Variants in SH3KBP1 observed in about 807,000 individuals in gnomAD.
SH3KBP1 encodes the protein SH3 domain-containing kinase-binding protein 1.
In SH3KBP1, 8 loss-of-function variants were observed where a neutral mutation model predicts 50.1. The ratio of observed to expected loss-of-function variants is 0.16; its 90% CI spans 0.09 to 0.29. The LOEUF (loss-of-function observed/expected upper bound fraction) is 0.29, where lower values mean the gene tolerates loss of function less well. SH3KBP1 is among the 10% of genes least tolerant of loss of function. The probability of loss-of-function intolerance (pLI) is 1.00; values close to 1 mark genes in which losing one functional copy is unlikely to be tolerated. For missense variants in SH3KBP1, 377 were observed against 535.2 expected (o/e 0.70, Z 2.92); for synonymous variants, 227 against 218.6 (o/e 1.04, Z -0.34).
At chrX:19,751,593 C>T (rs2065067378) in intron 2 of SH3KBP1, among the ~76,000 whole-genome samples, 1 of 111,840 alleles carries the variant, frequency 8.9e-6, no homozygotes. Context: ...TATCTCAGAT[C>T]TGATCTCTTT....
At chrX:19,869,191 G>A (rs867962878) in intron 1 of SH3KBP1, among the ~76,000 whole-genome samples, 5 of 111,992 alleles carry the variant, frequency 4.5e-5, no homozygotes, top group African/African-American at 1.6e-4. Flanking sequence ...CTGGACTTCT[G>A]ATTTCACAAA....
chrX:19,613,394 G>A (rs1056706660), intron 8 of SH3KBP1, among the ~76,000 whole-genome samples: 3 of 112,133 alleles, frequency 2.7e-5, no homozygotes, highest in African/African-American at 9.7e-5. Context: ...ATGAGAAAAG[G>A]AGCAGCATGT....
At chrX:19,699,022 T>G (rs1420259613) in intron 4 of SH3KBP1, among the ~76,000 whole-genome samples, 1 of 111,837 alleles carries the variant, frequency 8.9e-6, no homozygotes, top group African/African-American at 3.3e-5. Context: ...AACTGAGAGA[T>G]CCTAACTATA....
At chrX:19,572,719 C>A (rs1257872179) in intron 12 of SH3KBP1, among the ~76,000 whole-genome samples, 1 of 111,019 alleles carries the variant, frequency 9.0e-6, no homozygotes, top group Non-Finnish European at 1.9e-5. Context: ...CTGAAAAGAA[C>A]TAGAATCTTT....
chrX:19,565,051 A>ATTTTC (rs2065797492), intron 13 of SH3KBP1, among the ~76,000 whole-genome samples: 4 of 66,530 alleles, frequency 6.0e-5, no homozygotes, highest in African/African-American at 1.5e-4. Flanking sequence ...TTCAACTCCA[A>ATTTTC]TTTTTTTTTT....
At chrX:19,651,785 G>C (rs1465273915) in intron 6 of SH3KBP1, among the ~76,000 whole-genome samples, 1 of 111,737 alleles carries the variant, frequency 8.9e-6, no homozygotes, top group African/African-American at 3.3e-5. Flanking sequence ...ACTTGAGCCA[G>C]GAAGTTCAAG....
At position 19,605,402 on chromosome X, in the gene SH3KBP1, T is replaced by C. The variant is rs1265254168; in HGVS notation, c.1005+2536A>G. Among the ~76,000 whole-genome samples the C allele has an allele frequency of 4.5e-5, 5 of 111,744 alleles. No homozygotes were observed. The East Asian group carries it at 1.4e-3, about 31-fold the overall frequency. On this transcript the variant is annotated intron_variant, in intron 9 of 17. Coordinates refer to ENST00000397821, the MANE Select transcript of SH3KBP1 (RefSeq NM_031892.3). ...TTATCTGTCAATTAAAAAAACATAC[T>C]GCCTCAATCAGAACCAATAAGGTGG... is the stretch of plus-strand genomic sequence containing the variant.
At chrX:19,670,327 C>G in intron 6 of SH3KBP1, 2 of 753,321 alleles carry the variant, frequency 2.7e-6, no homozygotes, top group Non-Finnish European at 3.1e-6. Flanking sequence ...GCTCCACTCA[C>G]AAAGAAAACT....
chrX:19,607,480 C>G (rs538295958), intron 9 of SH3KBP1, among the ~76,000 whole-genome samples: 27 of 112,012 alleles, frequency 2.4e-4, no homozygotes, highest in African/African-American at 8.4e-4. Flanking sequence ...TGCGGGTGTA[C>G]TCACACATGT....
intron 16 of SH3KBP1, among the ~76,000 whole-genome samples, chrX:19,539,964 G>A (rs1005734281): frequency 3.6e-5 from 4 of 111,291 alleles, no homozygotes; most frequent in African/African-American, 9.8e-5. Context: ...GGAAGCACAG[G>A]GCATTTCAGA....
intron 5 of SH3KBP1, among the ~76,000 whole-genome samples, chrX:19,693,050 T>A (rs770853404): frequency 2.7e-5 from 3 of 111,421 alleles, no homozygotes; most frequent in Non-Finnish European, 5.6e-5. Flanking sequence ...GGGAATTACT[T>A]CAATTTAGCA....
At chrX:19,540,929 T>C (rs759895606) in intron 16 of SH3KBP1, among the ~76,000 whole-genome samples, 1 of 111,057 alleles carries the variant, frequency 9.0e-6, no homozygotes, top group Non-Finnish European at 1.9e-5. Flanking sequence ...ACTTTTTTTT[T>C]TTTTAGACGG....
chrX:19,882,499 G>C (rs1284341521), intron 1 of SH3KBP1, among the ~76,000 whole-genome samples: 2 of 111,215 alleles, frequency 1.8e-5, no homozygotes, highest in Non-Finnish European at 3.8e-5. Context: ...GAGAGGAAGA[G>C]GCCACAAGCA....
chrX:19,821,173 C>T (rs2067513283), intron 2 of SH3KBP1, among the ~76,000 whole-genome samples: 1 of 111,967 alleles, frequency 8.9e-6, no homozygotes, highest in African/African-American at 3.2e-5. Context: ...GGTGGATTAC[C>T]TGATGCCAGG....
At chrX:19,715,292 G>A (rs1456448666) in intron 3 of SH3KBP1, among the ~76,000 whole-genome samples, 4 of 101,955 alleles carry the variant, frequency 3.9e-5, no homozygotes, top group Admixed American at 1.1e-4. Flanking sequence ...AAAAAAAAAC[G>A]CCAAAAATCC....
chrX:19,728,541 T>C (rs2064287662), intron 3 of SH3KBP1, among the ~76,000 whole-genome samples: 1 of 112,189 alleles, frequency 8.9e-6, no homozygotes, highest in Non-Finnish European at 1.9e-5. Flanking sequence ...CCATGGGGCA[T>C]TCTCAGCAAA....
chrX:19,544,689 C>T (rs2065037236), intron 15 of SH3KBP1, among the ~76,000 whole-genome samples: 1 of 111,982 alleles, frequency 8.9e-6, no homozygotes, highest in Admixed American at 9.5e-5. Flanking sequence ...TCCTATATGA[C>T]ACGCTCTCCC....
At chrX:19,544,884 C>T (rs1391871033) in intron 15 of SH3KBP1, among the ~76,000 whole-genome samples, 1 of 111,577 alleles carries the variant, frequency 9.0e-6, no homozygotes, top group Non-Finnish European at 1.9e-5. Flanking sequence ...ACCCACTGTC[C>T]ACCAGTAGAT....
intron 1 of SH3KBP1, among the ~76,000 whole-genome samples, chrX:19,842,501 G>A (rs2068251415): frequency 9.0e-6 from 1 of 111,330 alleles, no homozygotes; most frequent in South Asian, 3.7e-4. Flanking sequence ...ACTCCAGCCT[G>A]GGTGACAGAG....
Sources: gnomAD v4.1 joint callset for allele counts (sites outside exome capture counted in the v4.1 genomes callset) on GRCh38, gnomAD v4.1.1 for gene constraint, MANE v1.5 for transcripts, NCBI Gene and HGNC (gene_info 2026-07-23, HGNC 2026-07-21) for gene names.